SMNDC1: variants seen among roughly 807,000 people sequenced by gnomAD.
SMNDC1 encodes the protein survival of motor neuron-related-splicing factor 30.
A neutral mutation model predicts 29.2 loss-of-function variants in SMNDC1; 5 were observed. The observed-to-expected ratio is 0.17, with a 90% CI of 0.09 to 0.36. SMNDC1 has a LOEUF of 0.36. Among genes scored for constraint, SMNDC1 ranks in the 10% least tolerant of loss-of-function variants. SMNDC1 has a pLI of 1.00. For synonymous variants in SMNDC1, 80 were observed against 89.9 expected (o/e 0.89, Z 0.62); for missense variants, 142 against 268.5 (o/e 0.53, Z 3.29).
intron 5 of SMNDC1, 73 bp from the exon 6 acceptor site, chr10:110,294,360 G>A: frequency 8.2e-7 from 1 of 1,225,114 alleles, no homozygotes; most frequent in African/African-American, 1.6e-5. Context: ...TTTAAGTAAT[G>A]TTAAAATATA....
intron 1 of SMNDC1, chr10:110,304,232 G>C (rs969739585): frequency 6.6e-6 from 1 of 152,246 alleles, no homozygotes; most frequent in Admixed American, 6.5e-5. Flanking sequence ...CTGAAAATAA[G>C]ATACCAATTA....
At chr10:110,300,818 A>C (rs970012471) in intron 2 of SMNDC1, 4 of 590,266 alleles carry the variant, frequency 6.8e-6, no homozygotes, top group Non-Finnish European at 8.5e-6. Context: ...TAAATTGACT[A>C]TCTCTGATTA....
intron 4 of SMNDC1, among the ~76,000 whole-genome samples, chr10:110,296,710 T>C (rs1400343490): frequency 1.3e-5 from 2 of 152,158 alleles, no homozygotes; most frequent in Non-Finnish European, 2.9e-5. Flanking sequence ...TCACATCATA[T>C]CCCCTCTACT....
At chr10:110,304,569 AGC>A (rs1379472883) in intron 1 of SMNDC1, 177 bp downstream of exon 1, 1 of 152,188 alleles carries the variant, frequency 6.6e-6, no homozygotes, top group Non-Finnish European at 1.5e-5. Flanking sequence ...CACGGAGGCC[AGC>A]GCCGGCCGGG....
chr10:110,296,557 T>C (rs1857565149), intron 4 of SMNDC1, among the ~76,000 whole-genome samples: 4 of 152,192 alleles, frequency 2.6e-5, no homozygotes, highest in African/African-American at 9.7e-5. Context: ...AAAATATTGT[T>C]AATTCTGCCT....
At position 110,291,753 on chromosome 10, in the gene SMNDC1, G is replaced by C. The variant is rs940470165; in HGVS notation, c.*2397C>G. The C allele has an allele frequency of 6.6e-6, 1 of 152,180 alleles. No individual in the cohort carries two copies. The highest frequency in any genetic ancestry group is 1.5e-5 in the Non-Finnish European group (1 of 68,026). The allele number at this position is 152,180 out of a possible 1,614,324, so 9.4% of individuals were successfully genotyped here. A position where few individuals can be genotyped will look rare whatever the true frequency, so the allele number is the denominator to read the frequency against. On this transcript the variant is annotated 3_prime_UTR_variant, in exon 6 of 6. Transcript: ENST00000369603. The stretch of plus-strand genomic sequence containing the variant: ...TAGAGTCCTTGCTGTTTTCCAGTAT[G>C]CTCTGTGGCCTCCCTACATGTTAAT...
chr10:110,297,260 T>G (rs908053495), intron 4 of SMNDC1, among the ~76,000 whole-genome samples: 1 of 152,230 alleles, frequency 6.6e-6, no homozygotes, highest in Non-Finnish European at 1.5e-5. Context: ...TAAACTCAGT[T>G]GGGACAAGGC....
intron 5 of SMNDC1, 120 bp downstream of exon 5, chr10:110,295,108 C>T (rs1211169669): frequency 1.8e-5 from 15 of 852,354 alleles, no homozygotes; most frequent in East Asian, 1.2e-4. Context: ...AACAAGGATT[C>T]GGAATACAAA....
At position 110,292,140 on chromosome 10, in the gene SMNDC1, CTG is replaced by C. The variant is rs970436128; in HGVS notation, c.*2008_*2009del. 1.3e-5 allele frequency: 2 copies of C among 152,194 alleles called. No homozygotes were observed. The highest frequency in any genetic ancestry group is 4.8e-5 in the African/African-American group (2 of 41,444). The allele number at this position is 152,194 out of a possible 1,614,324, so 9.4% of individuals were successfully genotyped here. ...GCATCTTCTCAAATTCAGTATCACA[CTG>C]TGACAGGTAGTCTCCCCAGGAGTCC... On this transcript the variant is annotated 3_prime_UTR_variant, in exon 6 of 6. Transcript: ENST00000369603.
At position 110,298,740 on chromosome 10, in the gene SMNDC1, C is replaced by T; in HGVS notation, c.171G>A (p.Thr57=). ...KDLLSTQPSE[T]LASSDSFAST... is the part of the protein sequence containing the mutation. ...AAGCAAAACTGTCTGAACTTGCAAG[C>T]GTCTCAGAAGGTTGAGTTGACAGAA... The change falls in exon 3 of 6, where the codon ACG becomes ACA. Residue 57 remains threonine, a synonymous_variant. Transcript: ENST00000369603. 6.2e-7 allele frequency: 1 copy of T among 1,613,586 alleles called. No individual in the cohort carries two copies. The highest frequency in any genetic ancestry group is 1.7e-5 in the Admixed American group (1 of 59,976).
At position 110,302,999 on chromosome 10, in the gene SMNDC1, T is replaced by C. The variant is rs1003950178; in HGVS notation, c.120+469A>G. On this transcript the variant is annotated intron_variant, in intron 2 of 5. Transcript: ENST00000369603. The stretch of plus-strand genomic sequence containing the variant: ...AGGCATTTTTGTGGTGTGTTTTCAA[T>C]ACAAAATGTAATCCACTAGCTTTGG... 3.9e-5 allele frequency among the ~76,000 whole-genome samples: 6 copies of C among 152,118 alleles called. No individual in the cohort carries two copies. In the East Asian group the frequency reaches 1.2e-3, roughly 29 times the overall value.
At chr10:110,297,417 C>A in intron 4 of SMNDC1, 150 bp downstream of exon 4, 1 of 688,956 alleles carries the variant, frequency 1.5e-6, no homozygotes, top group South Asian at 1.9e-5. Context: ...GGCACACTTA[C>A]ACAGACAATG....
chr10:110,300,393 T>G (rs1054852407), intron 2 of SMNDC1, among the ~76,000 whole-genome samples: 1 of 152,148 alleles, frequency 6.6e-6, no homozygotes, highest in African/African-American at 2.4e-5. Context: ...TCCAGAGCAT[T>G]TACTCCTAAT....
chr10:110,297,943 T>C (rs1857590372), intron 3 of SMNDC1, among the ~76,000 whole-genome samples: 1 of 152,224 alleles, frequency 6.6e-6, no homozygotes, highest in Non-Finnish European at 1.5e-5. Flanking sequence ...GGCAAGTCTC[T>C]TACATGTACC....
intron 2 of SMNDC1, among the ~76,000 whole-genome samples, chr10:110,302,423 T>C (rs1428920325): frequency 6.6e-6 from 1 of 152,172 alleles, no homozygotes; most frequent in Non-Finnish European, 1.5e-5. Context: ...ATTCTAAATG[T>C]AGAACTTGAA....
At chr10:110,303,406 T>C in intron 2 of SMNDC1, 62 bp downstream of exon 2, 1 of 1,491,094 alleles carries the variant, frequency 6.7e-7, no homozygotes, top group Non-Finnish European at 8.9e-7. Flanking sequence ...CTTTGGGTAC[T>C]TAGGGATTCA....
At chr10:110,295,808 A>C (rs1857556165) in intron 4 of SMNDC1, among the ~76,000 whole-genome samples, 1 of 152,124 alleles carries the variant, frequency 6.6e-6, no homozygotes, top group South Asian at 2.1e-4. Context: ...TGCCCAGCTA[A>C]CTTTTATATT....
intron 2 of SMNDC1, 85 bp from the exon 3 acceptor site, chr10:110,298,875 C>A (rs993674937): frequency 1.0e-6 from 1 of 957,476 alleles, no homozygotes. Flanking sequence ...TCATACTGTA[C>A]GTTAAGTACT....
rs1857505523 is a variant in SMNDC1 at position 110,292,061 on chromosome 10, A to G, written c.*2089T>C. 1 of 152,212 alleles carries G rather than the reference A, an allele frequency of 6.6e-6. No homozygotes were observed. Among genetic ancestry groups the G allele is most frequent in the Non-Finnish European group, 1.5e-5 (1 of 68,034 alleles). 9.4% of individuals were successfully genotyped at this position (152,212 alleles called of 1,614,324 possible). On this transcript the variant is annotated 3_prime_UTR_variant, in exon 6 of 6. Coordinates refer to ENST00000369603, the MANE Select transcript of SMNDC1 (RefSeq NM_005871.4). ...GTTTATATTTTGTTTCAGAATATAGAGAGCTTAACCACCTTCAACTGTAAA... is the reference window on the plus strand; with the variant it reads ...GTTTATATTTTGTTTCAGAATATAGGGAGCTTAACCACCTTCAACTGTAAA...
Sources: allele counts gnomAD v4.1 joint callset (sites outside exome capture counted in the v4.1 genomes callset), GRCh38; gene constraint gnomAD v4.1.1; transcripts MANE v1.5; gene names NCBI Gene and HGNC (gene_info 2026-07-23, HGNC 2026-07-21).